Variants in GINS2 observed in about 807,000 individuals in gnomAD.
GINS2 encodes GINS complex subunit 2, also known as DNA replication complex GINS protein PSF2.
Under a neutral mutation model 21.2 loss-of-function variants are expected in GINS2, and 23 were observed. The observed-to-expected ratio is 1.08, with a 90% CI of 0.78 to 1.53. GINS2 has a LOEUF of 1.53. Ranked by LOEUF, GINS2 falls within the 40% of genes most tolerant of loss-of-function variation. The pLI is 0.00. For missense variants in GINS2, 323 were observed against 233.9 expected, an observed-to-expected ratio of 1.38 and a Z score of -2.49; for synonymous variants, 118 against 85.6, an observed-to-expected ratio of 1.38 and a Z score of -2.09.
chr16:85,685,091 G>A (rs1168208518), intron 2 of GINS2, among the ~76,000 whole-genome samples: 1 of 152,168 alleles, frequency 6.6e-6, no homozygotes, highest in African/African-American at 2.4e-5. Context: ...GCCTGGCCCA[G>A]AACAGGCAGA....
Position 85,688,821 on chromosome 16 carries a change from G to T in GINS2, c.78C>A (p.Ile26=), listed in dbSNP as rs1598765174. ...TIIPNFSLDK[I]YLIGGDLGPF... is the part of the protein sequence containing the mutation. ...GCCCAGGCCTCACCCCGATGAGGTA[G>T]ATCTTGTCCAGACTGAAGTTGGGGA... Residue 26 remains isoleucine, a synonymous_variant, in exon 1 of 5, where the codon ATC becomes ATA. Coordinates refer to ENST00000253462, the MANE Select transcript of GINS2 (RefSeq NM_016095.3). 1 of 1,537,212 alleles carries T rather than the reference G, an allele frequency of 6.5e-7. No homozygotes were observed. Among genetic ancestry groups the T allele is most frequent in the African/African-American group, 1.4e-5 (1 of 71,788 alleles).
chr16:85,678,228 T>A lies in GINS2; in HGVS notation c.542A>T (p.Gln181Leu). 1 of 1,613,632 alleles carries A rather than the reference T, an allele frequency of 6.2e-7. No homozygotes were observed. Among genetic ancestry groups the A allele is most frequent in the Non-Finnish European group, 8.5e-7 (1 of 1,179,908 alleles). Residue 181 changes from glutamine to leucine, a missense_variant, in exon 5 of 5, where the codon CAG (glutamine) becomes CTG (leucine). Gln to Leu is a moderately radical substitution (Grantham distance 113). Coordinates refer to ENST00000253462, the MANE Select transcript of GINS2 (RefSeq NM_016095.3). The part of the protein sequence containing the change: ...RTNLQPLEST[Q>L]SQDF Reference sequence around the variant, plus strand: ...GGCCTTTCTCTAGAAGTCCTGAGACTGAGTACTCTCCAGAGGCTGGAGGTT... The same window carrying A: ...GGCCTTTCTCTAGAAGTCCTGAGACAGAGTACTCTCCAGAGGCTGGAGGTT...
intron 2 of GINS2, among the ~76,000 whole-genome samples, chr16:85,685,685 A>AAAAAAAAAAAAAGAAAAAAAAC (rs56405044): frequency 8.3e-6 from 1 of 120,900 alleles, no homozygotes; most frequent in Non-Finnish European, 1.9e-5. Flanking sequence ...AAAAAAAAAA[A>AAAAAAAAAAAAAGAAAAAAAAC]AAAAAACCGT....
In GINS2 at chr16:85,679,784, C is replaced by G. The variant is rs555727229; in HGVS notation, c.306-1118G>C. Among the ~76,000 whole-genome samples, 6 of 152,352 alleles carry G rather than the reference C, an allele frequency of 3.9e-5. No individual in the cohort carries two copies. In the South Asian group the frequency reaches 1.2e-3, roughly 32 times the overall value. On this transcript the variant is annotated intron_variant, in intron 3 of 4. Coordinates refer to ENST00000253462, the MANE Select transcript of GINS2 (RefSeq NM_016095.3). ...AGCCTGTTTATAGATCCTCTCCCTT[C>G]CAGCTACCATCCCCACCACCACTAC...
chr16:85,685,685 A>AAAAACAAAAAAAAAAAAAC lies in GINS2; in HGVS notation c.205+1774_205+1775insGTTTTTTTTTTTTTGTTTT, dbSNP rs1555579589. ...GACCCTTTCTCAAAAAAAAAAAAAAAAAAAAACCGTCTCAAAGCAGAGGAA... is the reference window on the plus strand; with the variant it reads ...GACCCTTTCTCAAAAAAAAAAAAAAAAAAACAAAAAAAAAAAAACAAAAAACCGTCTCAAAGCAGAGGAA... On this transcript the variant is annotated intron_variant, in intron 2 of 4. Transcript: ENST00000253462. 1.7e-5 allele frequency among the ~76,000 whole-genome samples: 2 copies of AAAAACAAAAAAAAAAAAAC among 120,900 alleles called. 1 individual carries two copies. The highest frequency in any genetic ancestry group is 3.9e-5 in the Non-Finnish European group (2 of 51,890). 79.3% of individuals were successfully genotyped at this position (120,900 alleles called of 152,430 possible). A position where few individuals can be genotyped will look rare whatever the true frequency, so the allele number is the denominator to read the frequency against.
chr16:85,687,791 G>A, intron 1 of GINS2: 1 of 434,788 alleles, frequency 2.3e-6, no homozygotes. Context: ...GCCTTTCCGC[G>A]GACAGGATGC....
intron 3 of GINS2, among the ~76,000 whole-genome samples, chr16:85,679,117 G>C (rs1382229513): frequency 6.6e-6 from 1 of 152,194 alleles, no homozygotes; most frequent in Non-Finnish European, 1.5e-5. Context: ...GCCTAGAGAA[G>C]GAAAACGCCA....
intron 3 of GINS2, among the ~76,000 whole-genome samples, chr16:85,680,741 G>T (rs762436999): frequency 7.9e-5 from 12 of 152,244 alleles, no homozygotes; most frequent in Non-Finnish European, 1.6e-4. Flanking sequence ...AGCAGGGGCA[G>T]GGAAAGGACA....
At chr16:85,682,306 G>A (rs950032974) in intron 2 of GINS2, among the ~76,000 whole-genome samples, 1 of 152,012 alleles carries the variant, frequency 6.6e-6, no homozygotes, top group Non-Finnish European at 1.5e-5. Context: ...TGAGTCACCT[G>A]GTCAGTATTA....
chr16:85,681,495 G>A, intron 3 of GINS2, 87 bp downstream of exon 3: 1 of 782,162 alleles, frequency 1.3e-6, no homozygotes, highest in South Asian at 1.5e-5. Context: ...CAATAAGCAG[G>A]GAAGCGGAGA....
At position 85,681,593 on chromosome 16, in the gene GINS2, G is replaced by A. The variant is rs367924787; in HGVS notation, c.294C>T (p.Leu98=). 1 of 1,599,652 alleles carries A rather than the reference G, an allele frequency of 6.3e-7. No individual in the cohort carries two copies. Among genetic ancestry groups the A allele is most frequent in the Admixed American group, 1.7e-5 (1 of 59,848 alleles). The change falls in exon 3 of 5, where the codon CTC becomes CTT. Residue 98 remains leucine (L), a synonymous_variant. Coordinates refer to ENST00000253462, the MANE Select transcript of GINS2 (RefSeq NM_016095.3). ...TGAGATCTACTTACTGATTTAACAGGAGCTTCGTAAGTTCCATGTAGTAAG... is the reference window on the plus strand; with the variant it reads ...TGAGATCTACTTACTGATTTAACAGAAGCTTCGTAAGTTCCATGTAGTAAG... ...PSPYYMELTK[L]LLNHASDNIP...
chr16:85,679,054 T>G (rs2053710606), intron 3 of GINS2, among the ~76,000 whole-genome samples: 1 of 152,210 alleles, frequency 6.6e-6, no homozygotes. Context: ...GCTCCTCATT[T>G]ACAGAGTGTT....
chr16:85,684,388 G>A (rs2053758275), intron 2 of GINS2, among the ~76,000 whole-genome samples: 1 of 151,998 alleles, frequency 6.6e-6, no homozygotes, highest in South Asian at 2.1e-4. Flanking sequence ...CCAGCTACTA[G>A]GGAGGCTGAG....
intron 2 of GINS2, among the ~76,000 whole-genome samples, chr16:85,682,848 C>A (rs569250306): frequency 6.6e-6 from 1 of 152,152 alleles, no homozygotes; most frequent in South Asian, 2.1e-4. Flanking sequence ...CCATTGTAAA[C>A]GGCCAACTAC....
chr16:85,678,267 T>C lies in GINS2; in HGVS notation c.503A>G (p.Tyr168Cys), dbSNP rs1418307217. Residue 168 changes from tyrosine (Y) to cysteine (C), a missense_variant, in exon 5 of 5, where the codon TAC becomes TGC. By Grantham distance (194) the Tyr-to-Cys change is radical. Transcript: ENST00000253462. Reference protein sequence around the residue: ...TFLTQALNHMYKLRTNLQPLE... With the variant: ...TFLTQALNHMCKLRTNLQPLE... Reference sequence around the variant, plus strand: ...AGGCTGGAGGTTCGTGCGGAGTTTGTACATGTGGTTGAGCGCTTGTGTGAG... The same window carrying C: ...AGGCTGGAGGTTCGTGCGGAGTTTGCACATGTGGTTGAGCGCTTGTGTGAG... The C allele has an allele frequency of 2.5e-6, 4 of 1,613,076 alleles. No homozygotes were observed. Among genetic ancestry groups the C allele is most frequent in the African/African-American group, 1.3e-5 (1 of 74,900 alleles).
At chr16:85,685,903 G>A (rs1209772846) in intron 2 of GINS2, among the ~76,000 whole-genome samples, 1 of 150,882 alleles carries the variant, frequency 6.6e-6, no homozygotes, top group Non-Finnish European at 1.5e-5. Context: ...ACTCACGGCT[G>A]AGACCCCATC....
intron 3 of GINS2, among the ~76,000 whole-genome samples, chr16:85,678,970 C>T (rs1463451218): frequency 6.6e-6 from 1 of 152,202 alleles, no homozygotes; most frequent in Non-Finnish European, 1.5e-5. Context: ...CTCAGGATAA[C>T]AGCATTCCGT....
At chr16:85,687,148 G>C (rs933594899) in intron 2 of GINS2, among the ~76,000 whole-genome samples, 2 of 152,240 alleles carry the variant, frequency 1.3e-5, no homozygotes, top group African/African-American at 4.8e-5. Context: ...TTGAACCCAG[G>C]AGGTGAAGGC....
chr16:85,685,608 C>G (rs890493992), intron 2 of GINS2, among the ~76,000 whole-genome samples: 4 of 141,876 alleles, frequency 2.8e-5, no homozygotes, highest in Non-Finnish European at 4.5e-5. Flanking sequence ...GAAGTCAAGG[C>G]TGCAGTGAGC....
Sources: allele counts gnomAD v4.1 joint callset (sites outside exome capture counted in the v4.1 genomes callset), GRCh38; gene constraint gnomAD v4.1.1; transcripts MANE v1.5; gene names NCBI Gene and HGNC (gene_info 2026-07-23, HGNC 2026-07-21).